PDE10A: variants seen among roughly 807,000 people sequenced by gnomAD.
The protein encoded by PDE10A is cAMP and cAMP-inhibited cGMP 3',5'-cyclic phosphodiesterase 10A.
PDE10A carries 39 observed loss-of-function variants against 97.7 expected under a neutral mutation model. The observed-to-expected ratio is 0.40, with a 90% CI of 0.31 to 0.52. PDE10A has a LOEUF of 0.52. Among genes scored for constraint, PDE10A ranks in the 20% least tolerant of loss-of-function variants. The probability of loss-of-function intolerance (pLI) is 0.56; values close to 1 mark genes in which losing one functional copy is unlikely to be tolerated. For synonymous variants in PDE10A, 371 were observed against 376.8 expected (o/e 0.98, Z 0.18); for missense variants, 731 against 1,047.8 (o/e 0.70, Z 4.17).
chr6:165,941,354 T>A (rs948524325), intron 1 of PDE10A, among the ~76,000 whole-genome samples: 5 of 152,144 alleles, frequency 3.3e-5, no homozygotes, highest in African/African-American at 9.7e-5. Flanking sequence ...TAAGGCCTTG[T>A]TTTCAAGAGG....
At chr6:165,911,404 A>G (rs1277548833) in intron 1 of PDE10A, among the ~76,000 whole-genome samples, 1 of 152,242 alleles carries the variant, frequency 6.6e-6, no homozygotes, top group Non-Finnish European at 1.5e-5. Context: ...ATTTAAATAA[A>G]GAACTTCAGA....
At position 165,418,534 on chromosome 6, in the gene PDE10A, C is replaced by T; in HGVS notation, c.1796+101G>A. On this transcript the variant is annotated intron_variant, in intron 11 of 21. Transcript: ENST00000539869. This position sits in a 1 kb window ranked among gnomAD's most constrained non-coding sequence, Gnocchi z 4.8. ...TGGTGGGAATGATATCACAGTATGA[C>T]AAGTATTGTCAGCATACCTGTGAAT... 1 of 1,069,844 alleles carries T rather than the reference C, an allele frequency of 9.3e-7. No homozygotes were observed. Among genetic ancestry groups the T allele is most frequent in the Non-Finnish European group, 1.4e-6 (1 of 724,250 alleles). The allele number at this position is 1,069,844 out of a possible 1,614,324, so 66.3% of individuals were successfully genotyped here.
intron 1 of PDE10A, among the ~76,000 whole-genome samples, chr6:165,574,939 G>T (rs942371254): frequency 6.6e-6 from 1 of 152,110 alleles, no homozygotes; most frequent in African/African-American, 2.4e-5. Flanking sequence ...TGAATAAGTA[G>T]AAAAATTATT....
At chr6:165,856,214 G>T (rs564295825) in intron 1 of PDE10A, among the ~76,000 whole-genome samples, 1 of 152,140 alleles carries the variant, frequency 6.6e-6, no homozygotes, top group Non-Finnish European at 1.5e-5. Context: ...AAAGGGCCTG[G>T]AAATCCTTGT....
intron 1 of PDE10A, among the ~76,000 whole-genome samples, chr6:165,652,638 T>C (rs1789739920): frequency 6.6e-6 from 1 of 152,186 alleles, no homozygotes; most frequent in African/African-American, 2.4e-5. Context: ...CCTCCACCCA[T>C]CCCTGGACTG....
In PDE10A at chr6:165,599,558, T is replaced by C. The variant is rs990470168; in HGVS notation, c.866-55990A>G. ...TTAACCCAGGACAATTAGGAAAATA[T>C]AAGGTATGCCTCAATTACATTTTAG... On this transcript the variant is annotated intron_variant, in intron 1 of 21. Transcript: ENST00000539869. Among the ~76,000 whole-genome samples the C allele has an allele frequency of 2.6e-5, 4 of 152,206 alleles. No homozygotes were observed. The South Asian group carries it at 8.3e-4, about 31-fold the overall frequency.
intron 2 of PDE10A, among the ~76,000 whole-genome samples, chr6:165,532,538 C>T (rs1782846535): frequency 6.6e-6 from 1 of 151,758 alleles, no homozygotes; most frequent in African/African-American, 2.4e-5. Flanking sequence ...GAAAGGGTTC[C>T]CTGAGACACT....
At chr6:165,805,991 C>G (rs1198695552) in intron 1 of PDE10A, among the ~76,000 whole-genome samples, 1 of 144,206 alleles carries the variant, frequency 6.9e-6, no homozygotes, top group Non-Finnish European at 1.5e-5. Context: ...TTCCTCAGTC[C>G]CTGCTTTGTA....
At chr6:165,464,769 T>C (rs7743001) in intron 3 of PDE10A, among the ~76,000 whole-genome samples, 110 of 152,344 alleles carry the variant, frequency 7.2e-4, no homozygotes, top group African/African-American at 2.6e-3. Context: ...TGTACTCTTT[T>C]GAACCTACTA....
intron 1 of PDE10A, among the ~76,000 whole-genome samples, chr6:165,706,846 T>A (rs541921865): frequency 1.3e-5 from 2 of 152,232 alleles, no homozygotes; most frequent in East Asian, 3.9e-4. Flanking sequence ...CAAAAGATTT[T>A]AAAAAAAGGA....
intron 1 of PDE10A, among the ~76,000 whole-genome samples, chr6:165,587,600 T>C (rs1785991821): frequency 6.6e-6 from 1 of 152,202 alleles, no homozygotes; most frequent in Non-Finnish European, 1.5e-5. Context: ...AGAAGAGACC[T>C]AGTGATTAGC....
At chr6:165,891,576 C>T (rs1271934844) in intron 1 of PDE10A, among the ~76,000 whole-genome samples, 4 of 152,068 alleles carry the variant, frequency 2.6e-5, no homozygotes, top group African/African-American at 4.8e-5. Context: ...CAAGAGGATG[C>T]TGCCTGTCCC....
intron 1 of PDE10A, among the ~76,000 whole-genome samples, chr6:165,679,505 G>A (rs897715632): frequency 4.6e-5 from 7 of 152,158 alleles, no homozygotes; most frequent in Non-Finnish European, 5.9e-5. Flanking sequence ...GTGTGGCACC[G>A]CCCCCTCCTC....
chr6:165,786,633 A>C (rs1015343792), intron 1 of PDE10A, among the ~76,000 whole-genome samples: 3 of 152,188 alleles, frequency 2.0e-5, no homozygotes, highest in African/African-American at 7.2e-5. Context: ...GATGAATCTC[A>C]CCACATGGCA....
intron 1 of PDE10A, among the ~76,000 whole-genome samples, chr6:165,893,700 T>A (rs1781862900): frequency 6.6e-6 from 1 of 152,160 alleles, no homozygotes; most frequent in Admixed American, 6.5e-5. Flanking sequence ...ATTCGTATAT[T>A]CTCAAGTGTC....
At chr6:165,481,094 T>C (rs765565646) in intron 3 of PDE10A, among the ~76,000 whole-genome samples, 6 of 152,208 alleles carry the variant, frequency 3.9e-5, no homozygotes, top group East Asian at 1.9e-4. Context: ...TCTGAACACA[T>C]GGCAGCTTTG....
intron 18 of PDE10A, among the ~76,000 whole-genome samples, chr6:165,373,534 C>T (rs1310911799): frequency 4.6e-5 from 7 of 152,084 alleles, no homozygotes; most frequent in Admixed American, 2.6e-4. Context: ...CAATGAGATA[C>T]CATCTCACAC....
At chr6:165,406,186 A>G (rs989257140) in intron 13 of PDE10A, among the ~76,000 whole-genome samples, 13 of 150,860 alleles carry the variant, frequency 8.6e-5, no homozygotes, top group African/African-American at 3.2e-4. Flanking sequence ...ATTGTTATTC[A>G]TTAGTATCTA....
At chr6:165,506,785 G>A (rs906792892) in intron 2 of PDE10A, among the ~76,000 whole-genome samples, 2 of 152,006 alleles carry the variant, frequency 1.3e-5, no homozygotes, top group African/African-American at 4.8e-5. Context: ...ATTTTTACTG[G>A]CACCAGCTAT....
Sources: allele counts gnomAD v4.1 joint callset (sites outside exome capture counted in the v4.1 genomes callset), GRCh38; gene constraint gnomAD v4.1.1; non-coding constraint Gnocchi (gnomAD v3.1); transcripts MANE v1.5; gene names NCBI Gene and HGNC (gene_info 2026-07-23, HGNC 2026-07-21).